Variants in KHDRBS1 observed in about 807,000 individuals in gnomAD.
The protein encoded by KHDRBS1 is KH domain-containing, RNA-binding, signal transduction-associated protein 1.
In KHDRBS1, 7 loss-of-function variants were observed where a neutral mutation model predicts 48.4. The ratio of observed to expected loss-of-function variants is 0.14; its 90% confidence interval spans 0.08 to 0.27. KHDRBS1 has a LOEUF of 0.27. Ranked by LOEUF, KHDRBS1 falls within the 10% of genes least tolerant of loss-of-function variation. The probability of loss-of-function intolerance (pLI) is 1.00; values close to 1 mark genes in which losing one functional copy is unlikely to be tolerated. For synonymous variants in KHDRBS1, 241 were observed against 235.8 expected, an observed-to-expected ratio of 1.02 and a Z score of -0.20; for missense variants, 458 against 601.2, an observed-to-expected ratio of 0.76 and a Z score of 2.49.
At position 32,042,732 on chromosome 1, in the gene KHDRBS1, G is replaced by T; in HGVS notation, c.*108G>T. ...CCACAACAGACAAGTAATTGTCTAA[G>T]TGTTTTTCTTCGTGGTCCCCTTCTT... On this transcript the variant is annotated 3_prime_UTR_variant, in exon 9 of 9. Transcript: ENST00000327300. 1 of 696,196 alleles carries T rather than the reference G, an allele frequency of 1.4e-6. No individual in the cohort carries two copies. The highest frequency in any genetic ancestry group is 2.5e-6 in the Non-Finnish European group (1 of 396,882). The allele number at this position is 696,196 out of a possible 1,614,324, so 43.1% of individuals were successfully genotyped here. A position where few individuals can be genotyped will look rare whatever the true frequency, so the allele number is the denominator to read the frequency against.
rs752038161 is a variant in KHDRBS1, at chr1:32,058,309, TTCTGGCCTCAAGCAA to T, written n.1302-1836_1302-1822del. 1.4e-4 allele frequency among the ~76,000 whole-genome samples: 22 copies of T among 152,156 alleles called. 2 individuals are homozygous for T. Among genetic ancestry groups the T allele is most frequent in the African/African-American group, 3.1e-4 (13 of 41,508 alleles). On this transcript the variant is annotated intron_variant and non_coding_transcript_variant, in intron 10 of 10. Coordinates refer to the KHDRBS1 transcript ENST00000484270. Reference sequence around the variant, plus strand: ...TACTATGTTGCCCAGGATGGAGAACTTCTGGCCTCAAGCAATCTGGCCTCAAGCAATCCTCCCATC... The same window carrying T: ...TACTATGTTGCCCAGGATGGAGAACTTCTGGCCTCAAGCAATCCTCCCATC...
intron 1 of KHDRBS1, among the ~76,000 whole-genome samples, chr1:32,027,878 C>T (rs947651810): frequency 8.5e-5 from 13 of 152,088 alleles, no homozygotes; most frequent in African/African-American, 3.1e-4. Flanking sequence ...TTTGGGAGGC[C>T]GAGGCGAGTG....
intron 1 of KHDRBS1, among the ~76,000 whole-genome samples, chr1:32,022,727 A>G (rs959065863): frequency 6.6e-6 from 1 of 152,026 alleles, no homozygotes; most frequent in Non-Finnish European, 1.5e-5. Context: ...CGTCTCTACT[A>G]AAAATACAAA....
At chr1:32,023,549 C>G (rs1638902502) in intron 1 of KHDRBS1, among the ~76,000 whole-genome samples, 1 of 152,182 alleles carries the variant, frequency 6.6e-6, no homozygotes, top group Non-Finnish European at 1.5e-5. Flanking sequence ...GCTTTGTTTT[C>G]TTTGGCCCTT....
At chr1:32,054,885 T>C (rs1639462090) in intron 10 of KHDRBS1, among the ~76,000 whole-genome samples, 1 of 152,194 alleles carries the variant, frequency 6.6e-6, no homozygotes, top group South Asian at 2.1e-4. Context: ...CCTAGAATTA[T>C]ACAGTATCTC....
chr1:32,020,906 A>G (rs1330335396), intron 1 of KHDRBS1, among the ~76,000 whole-genome samples: 1 of 152,186 alleles, frequency 6.6e-6, no homozygotes, highest in Non-Finnish European at 1.5e-5. Flanking sequence ...TAAATTGCAT[A>G]GAACTAAGCA....
intron 1 of KHDRBS1, among the ~76,000 whole-genome samples, chr1:32,022,582 T>C (rs866485703): frequency 5.3e-5 from 8 of 152,200 alleles, no homozygotes; most frequent in Middle Eastern, 6.8e-3. Flanking sequence ...TCTTGTTCCT[T>C]ATGCAGGCCA....
At chr1:32,031,829 T>A (rs550133747) in intron 3 of KHDRBS1, among the ~76,000 whole-genome samples, 189 bp downstream of exon 3, 10 of 152,344 alleles carry the variant, frequency 6.6e-5, no homozygotes, top group Admixed American at 5.9e-4. Context: ...TGGAAGAGCC[T>A]AGGTGTGCCC....
chr1:32,058,579 A>C (rs758666324), intron 10 of KHDRBS1, among the ~76,000 whole-genome samples: 2 of 152,192 alleles, frequency 1.3e-5, no homozygotes, highest in Non-Finnish European at 2.9e-5. Context: ...TGATTTTTAA[A>C]CTTGCTGATG....
At chr1:32,019,681 T>C (rs1056742706) in intron 1 of KHDRBS1, among the ~76,000 whole-genome samples, 65 of 152,352 alleles carry the variant, frequency 4.3e-4, no homozygotes, top group African/African-American at 1.6e-3. Flanking sequence ...ACATACAGTA[T>C]AATACTATTT....
At chr1:32,036,005 A>C (rs891930507) in intron 4 of KHDRBS1, among the ~76,000 whole-genome samples, 3 of 152,140 alleles carry the variant, frequency 2.0e-5, no homozygotes, top group African/African-American at 7.2e-5. Flanking sequence ...CTGTTGATCC[A>C]ACACCTAGAT....
intron 5 of KHDRBS1, among the ~76,000 whole-genome samples, chr1:32,037,461 G>A (rs1639205078): frequency 6.6e-6 from 1 of 150,998 alleles, no homozygotes; most frequent in South Asian, 2.1e-4. Flanking sequence ...AAAAAAAATA[G>A]AGTTCTAGAT....
At chr1:32,017,902 C>T (rs370119509) in intron 1 of KHDRBS1, among the ~76,000 whole-genome samples, 13 of 151,842 alleles carry the variant, frequency 8.6e-5, no homozygotes, top group Non-Finnish European at 1.2e-4. Context: ...CCACTGCGCC[C>T]GGCCTATTTT....
chr1:32,038,694 G>T (rs370283675), intron 7 of KHDRBS1, 75 bp downstream of exon 7: 3 of 1,414,300 alleles, frequency 2.1e-6, no homozygotes, highest in South Asian at 1.2e-5. Flanking sequence ...GAGAGATTTA[G>T]ACAGTACAAC....
Position 32,043,502 on chromosome 1 carries a change from T to A in KHDRBS1, c.*878T>A, listed in dbSNP as rs1639319143. The stretch of plus-strand genomic sequence containing the variant: ...TCAGTCATAGTACTAATAATTAAAT[T>A]TTCAGTATTTAAAAAGACAAAGTAT... On this transcript the variant is annotated 3_prime_UTR_variant, in exon 9 of 9. Coordinates refer to ENST00000327300, the MANE Select transcript of KHDRBS1 (RefSeq NM_006559.3). The A allele has an allele frequency of 6.6e-6, 1 of 152,586 alleles. No individual in the cohort carries two copies. The highest frequency in any genetic ancestry group is 3.2e-3 in the Middle Eastern group (1 of 316). The allele number at this position is 152,586 out of a possible 1,614,324, so 9.5% of individuals were successfully genotyped here.
intron 1 of KHDRBS1, among the ~76,000 whole-genome samples, chr1:32,022,686 C>T (rs1007800778): frequency 2.0e-5 from 3 of 152,002 alleles, no homozygotes; most frequent in African/African-American, 2.4e-5. Context: ...GTCAGGAGAT[C>T]GAGACCATCC....
downstream of KHDRBS1, among the ~76,000 whole-genome samples, chr1:32,047,890 A>G (rs35132510): frequency 0.091 from 13,858 of 151,700 alleles, 836 homozygotes; most frequent in Non-Finnish European, 0.13. Context: ...GGCAGCCACT[A>G]CTCTTTCTGT....
intron 4 of KHDRBS1, among the ~76,000 whole-genome samples, chr1:32,035,111 C>CAGT (rs1557895513): frequency 6.6e-6 from 1 of 152,038 alleles, no homozygotes; most frequent in Non-Finnish European, 1.5e-5. Context: ...ATCACCCAAG[C>CAGT]CATTCAATTT....
downstream of KHDRBS1, among the ~76,000 whole-genome samples, chr1:32,045,177 T>G (rs1639343281): frequency 6.6e-6 from 1 of 152,232 alleles, no homozygotes; most frequent in Admixed American, 6.5e-5. Context: ...GTCCCCATAT[T>G]GATATTCACA....
Sources: gnomAD v4.1 joint callset for allele counts (sites outside exome capture counted in the v4.1 genomes callset) on GRCh38, gnomAD v4.1.1 for gene constraint, MANE v1.5 for transcripts, NCBI Gene and HGNC (gene_info 2026-07-23, HGNC 2026-07-21) for gene names.